Variants in CMSS1 observed in about 807,000 individuals in gnomAD.
The protein encoded by CMSS1 is cms1 ribosomal small subunit homolog, also known as protein CMSS1.
CMSS1 carries 33 observed loss-of-function variants against 43.5 expected under a neutral mutation model. The ratio of observed to expected loss-of-function variants is 0.76; its 90% CI spans 0.57 to 1.01. CMSS1 has a LOEUF of 1.01. Ranked by LOEUF, CMSS1 falls within the 50% of genes least tolerant of loss-of-function variation. CMSS1 has a pLI of 0.00. For missense variants in CMSS1, 313 were observed against 326.4 expected (o/e 0.96, Z 0.32); for synonymous variants, 115 against 117.2 (o/e 0.98, Z 0.12).
intron 1 of CMSS1, among the ~76,000 whole-genome samples, chr3:100,064,742 G>T (rs762082839): frequency 6.6e-6 from 1 of 152,296 alleles, no homozygotes; most frequent in East Asian, 1.9e-4. Context: ...TCATCTGTAA[G>T]AACATTCTAA....
At chr3:100,120,312 G>A (rs2066609042) in intron 1 of CMSS1, among the ~76,000 whole-genome samples, 1 of 152,184 alleles carries the variant, frequency 6.6e-6, no homozygotes, top group African/African-American at 2.4e-5. Context: ...TTCCTTGTGT[G>A]CCCATATTAC....
At chr3:100,129,042 A>G (rs887831111) in intron 1 of CMSS1, among the ~76,000 whole-genome samples, 1 of 152,212 alleles carries the variant, frequency 6.6e-6, no homozygotes, top group African/African-American at 2.4e-5. Flanking sequence ...GTCAGTATAC[A>G]GACAGTATCA....
At chr3:99,977,716 T>C (rs1709012297) in intron 1 of CMSS1, among the ~76,000 whole-genome samples, 1 of 152,140 alleles carries the variant, frequency 6.6e-6, no homozygotes, top group Non-Finnish European at 1.5e-5. Flanking sequence ...AATAAGAGAA[T>C]GGAATCATTT....
At chr3:99,848,508 A>G (rs1559655219) in intron 1 of CMSS1, 3 of 1,614,186 alleles carry the variant, frequency 1.9e-6, no homozygotes, top group Non-Finnish European at 2.5e-6. Flanking sequence ...TATCCTCAGT[A>G]GTTATCACAC....
At chr3:100,176,443 A>C in intron 9 of CMSS1, 28 bp downstream of exon 9, 1 of 1,479,548 alleles carries the variant, frequency 6.8e-7, no homozygotes, top group Non-Finnish European at 9.4e-7. Context: ...GTTGCCTTTA[A>C]TCATTTTTTC....
chr3:100,133,805 A>G (rs944102081), intron 1 of CMSS1, among the ~76,000 whole-genome samples: 2 of 152,240 alleles, frequency 1.3e-5, no homozygotes, highest in Non-Finnish European at 2.9e-5. Context: ...TTAAGGATGA[A>G]GCAATGAAGG....
intron 1 of CMSS1, among the ~76,000 whole-genome samples, chr3:100,039,375 A>G (rs898502001): frequency 3.9e-5 from 6 of 152,228 alleles, no homozygotes; most frequent in Non-Finnish European, 8.8e-5. Context: ...ATGAAATATA[A>G]TCTATGATTA....
intron 1 of CMSS1, among the ~76,000 whole-genome samples, chr3:99,973,064 T>A (rs959068297): frequency 1.3e-5 from 2 of 152,104 alleles, no homozygotes; most frequent in Non-Finnish European, 2.9e-5. Context: ...TGCAGAACTA[T>A]AGGAACAATG....
chr3:99,840,374 C>T (rs1054822632), intron 1 of CMSS1, among the ~76,000 whole-genome samples: 3 of 151,922 alleles, frequency 2.0e-5, no homozygotes, highest in Non-Finnish European at 4.4e-5. Flanking sequence ...CAGGTGCCCA[C>T]CACCATGCCC....
intron 1 of CMSS1, among the ~76,000 whole-genome samples, chr3:99,884,613 T>C (rs766794878): frequency 1.1e-4 from 16 of 152,140 alleles, no homozygotes; most frequent in Non-Finnish European, 1.6e-4. Context: ...ACCAGCACAA[T>C]ACCCTGCACA....
At chr3:99,892,976 A>G (rs980341030) in intron 1 of CMSS1, among the ~76,000 whole-genome samples, 2 of 152,178 alleles carry the variant, frequency 1.3e-5, no homozygotes, top group East Asian at 3.8e-4. Context: ...CCCCCAAAAC[A>G]GAGCTGAATT....
At chr3:99,930,823 G>T (rs754970757) in intron 1 of CMSS1, 2 of 1,612,570 alleles carry the variant, frequency 1.2e-6, no homozygotes, top group South Asian at 1.1e-5. Flanking sequence ...CTCTTGAGAG[G>T]TCTTCTGCTT....
At chr3:100,067,715 G>A (rs190087986) in intron 1 of CMSS1, among the ~76,000 whole-genome samples, 38 of 152,162 alleles carry the variant, frequency 2.5e-4, no homozygotes, top group African/African-American at 9.2e-4. Context: ...TAAAAACTGT[G>A]TACTGCACAC....
intron 1 of CMSS1, among the ~76,000 whole-genome samples, chr3:99,966,938 T>C (rs1468090072): frequency 6.6e-6 from 1 of 152,182 alleles, no homozygotes; most frequent in Non-Finnish European, 1.5e-5. Context: ...TATGCCTGAC[T>C]GAACCTCTGT....
intron 1 of CMSS1, among the ~76,000 whole-genome samples, chr3:99,842,623 T>C (rs1202995453): frequency 1.3e-5 from 2 of 152,034 alleles, no homozygotes; most frequent in Non-Finnish European, 2.9e-5. Context: ...TTTTTCAAAA[T>C]ATTGCCTCAA....
At chr3:99,878,499 G>T (rs1203727403) in intron 1 of CMSS1, among the ~76,000 whole-genome samples, 4 of 152,276 alleles carry the variant, frequency 2.6e-5, no homozygotes, top group South Asian at 2.1e-4. Flanking sequence ...TACATAAATA[G>T]TCTTGTCTTC....
At chr3:100,053,933 A>C (rs566751492) in intron 1 of CMSS1, among the ~76,000 whole-genome samples, 2 of 152,326 alleles carry the variant, frequency 1.3e-5, no homozygotes, top group South Asian at 4.1e-4. Flanking sequence ...AAGTGTTTCC[A>C]AGCATTGACT....
Position 100,074,675 on chromosome 3 carries a change from A to ATTTTTTTTTTTTTTTTTTTTT in CMSS1, c.65-72282_65-72262dup, listed in dbSNP as rs555819875. Among the ~76,000 whole-genome samples, 67 of 34,800 alleles carry ATTTTTTTTTTTTTTTTTTTTT rather than the reference A, an allele frequency of 1.9e-3. 25 individuals carry two copies. The highest frequency in any genetic ancestry group is 3.0e-3 in the African/African-American group (25 of 8,454). 22.8% of individuals were successfully genotyped at this position (34,800 alleles called of 152,430 possible). A position where few individuals can be genotyped will look rare whatever the true frequency, so the allele number is the denominator to read the frequency against. ...ATTTTCTATGCATGTGCAACATTTG[A>ATTTTTTTTTTTTTTTTTTTTT]TTTTTTTTTTTTTTTTTTTTTTTTT... On this transcript the variant is annotated intron_variant, in intron 1 of 9. Transcript: ENST00000421999.
chr3:100,085,238 T>C (rs909101875), intron 1 of CMSS1, among the ~76,000 whole-genome samples: 4 of 152,214 alleles, frequency 2.6e-5, no homozygotes, highest in Non-Finnish European at 5.9e-5. Flanking sequence ...GAAGAGAACA[T>C]TAATATTTTA....
Sources: allele counts gnomAD v4.1 joint callset (sites outside exome capture counted in the v4.1 genomes callset), GRCh38; gene constraint gnomAD v4.1.1; transcripts MANE v1.5; gene names NCBI Gene and HGNC (gene_info 2026-07-23, HGNC 2026-07-21).